The following ASTN2 variants were observed in gnomAD, a reference collection of about 807,000 sequenced individuals.
ASTN2 encodes the protein astrotactin 2, also known as astrotactin-2.
In ASTN2, 54 loss-of-function variants were observed where a neutral mutation model predicts 139.8. The observed-to-expected ratio is 0.39, with a 90% CI of 0.31 to 0.48. ASTN2 has a LOEUF of 0.48. ASTN2 is among the 20% of genes least tolerant of loss of function. The pLI is 0.95. For missense variants in ASTN2, 1,565 were observed against 1,725.1 expected, an observed-to-expected ratio of 0.91 and a Z score of 1.64; for synonymous variants, 756 against 719.5, an observed-to-expected ratio of 1.05 and a Z score of -0.81.
chr9:116,615,866 A>C (rs1309437823), intron 19 of ASTN2, among the ~76,000 whole-genome samples: 1 of 152,114 alleles, frequency 6.6e-6, no homozygotes, highest in Non-Finnish European at 1.5e-5. Flanking sequence ...CTAGAACTTA[A>C]AGTATAATAA....
intron 1 of ASTN2, among the ~76,000 whole-genome samples, chr9:117,377,105 C>T (rs2130922091): frequency 6.6e-6 from 1 of 152,282 alleles, no homozygotes. Context: ...CAGTGGTGGG[C>T]CTCTGCTAGG....
chr9:117,346,645 A>G (rs923791408), intron 1 of ASTN2, among the ~76,000 whole-genome samples: 1 of 152,174 alleles, frequency 6.6e-6, no homozygotes, highest in Non-Finnish European at 1.5e-5. Flanking sequence ...ATGGGGAAAA[A>G]TAACTGTACC....
intron 17 of ASTN2, among the ~76,000 whole-genome samples, chr9:116,632,185 G>GAGAGAGAGAGAGAGA (rs1564168833): frequency 1.0e-4 from 5 of 48,702 alleles, no homozygotes; most frequent in South Asian, 1.1e-3. Flanking sequence ...AGAGAGAGAG[G>GAGAGAGAGAGAGAGA]GAGAGAGAGA....
intron 11 of ASTN2, among the ~76,000 whole-genome samples, chr9:116,847,741 A>G (rs530152208): frequency 3.3e-5 from 5 of 152,336 alleles, no homozygotes; most frequent in African/African-American, 1.2e-4. Context: ...AAGGCAAGTG[A>G]GTGGCACAGC....
intron 2 of ASTN2, among the ~76,000 whole-genome samples, chr9:117,277,522 C>T (rs374742644): frequency 6.6e-6 from 1 of 152,036 alleles, no homozygotes; most frequent in Admixed American, 6.6e-5. Flanking sequence ...TAGATAAATT[C>T]CTCAAAAAAT....
chr9:116,473,242 G>A (rs983694391), intron 20 of ASTN2, among the ~76,000 whole-genome samples: 17 of 152,114 alleles, frequency 1.1e-4, no homozygotes, highest in Admixed American at 3.9e-4. Flanking sequence ...ACCTATTATC[G>A]ATCTTTGATG....
chr9:116,539,560 AG>A (rs1300048379), intron 19 of ASTN2, among the ~76,000 whole-genome samples: 15 of 152,204 alleles, frequency 9.9e-5, no homozygotes, highest in Non-Finnish European at 2.9e-5. Flanking sequence ...AACGATGCAC[AG>A]TAGTCCCCAC....
intron 1 of ASTN2, among the ~76,000 whole-genome samples, chr9:117,400,575 T>C (rs73655693): frequency 0.012 from 1,873 of 152,262 alleles, 41 homozygotes; most frequent in African/African-American, 0.043. Flanking sequence ...AGAGAGAAAG[T>C]AATTGAAGAA....
chr9:116,800,611 A>G (rs1171562842), intron 13 of ASTN2, among the ~76,000 whole-genome samples: 1 of 152,210 alleles, frequency 6.6e-6, no homozygotes, highest in Non-Finnish European at 1.5e-5. Flanking sequence ...GAACAGGGAT[A>G]GAACACATGG....
At chr9:116,844,086 G>A (rs1239202623) in intron 11 of ASTN2, among the ~76,000 whole-genome samples, 1 of 152,070 alleles carries the variant, frequency 6.6e-6, no homozygotes, top group African/African-American at 2.4e-5. Context: ...GTGACTTCAG[G>A]CAAGTCACTG....
At chr9:116,944,878 GC>G (rs1296844079) in intron 10 of ASTN2, among the ~76,000 whole-genome samples, 2 of 151,964 alleles carry the variant, frequency 1.3e-5, no homozygotes, top group Non-Finnish European at 2.9e-5. Flanking sequence ...GATGTGTTTG[GC>G]CTAAAAGAAG....
chr9:117,409,966 G>T (rs10114356), intron 1 of ASTN2, among the ~76,000 whole-genome samples: 152,222 of 152,290 alleles, frequency 1, 76,077 homozygotes, highest in Non-Finnish European at 1. Flanking sequence ...GCATAAAGCA[G>T]CCTTTGGGAT....
At chr9:116,738,258 T>C (rs921828806) in intron 13 of ASTN2, among the ~76,000 whole-genome samples, 3 of 151,816 alleles carry the variant, frequency 2.0e-5, no homozygotes, top group Admixed American at 1.3e-4. Context: ...CCCAGCACTT[T>C]GGGAGGCTGA....
intron 1 of ASTN2, among the ~76,000 whole-genome samples, chr9:117,315,526 C>T (rs577168712): frequency 1.3e-5 from 2 of 152,330 alleles, no homozygotes; most frequent in Non-Finnish European, 2.9e-5. Context: ...CAGGCTGTTT[C>T]CTCATTTATG....
intron 17 of ASTN2, among the ~76,000 whole-genome samples, chr9:116,629,332 T>C (rs1856620503): frequency 6.6e-6 from 1 of 152,116 alleles, no homozygotes; most frequent in African/African-American, 2.4e-5. Context: ...TTAGCCAGGA[T>C]GGTCTTGAGC....
Position 117,170,384 on chromosome 9 carries a change from A to G in ASTN2, c.1016-28906T>C, listed in dbSNP as rs1830763615. On this transcript the variant is annotated intron_variant, in intron 3 of 22. Coordinates refer to ENST00000313400, the MANE Select transcript of ASTN2 (RefSeq NM_001365068.1). Reference sequence around the variant, plus strand: ...CTATTAATTAATGTATTCATCCATTAATATTGATTGAGCACCTGCTAGGTG... The same window carrying G: ...CTATTAATTAATGTATTCATCCATTGATATTGATTGAGCACCTGCTAGGTG... 2.0e-5 allele frequency among the ~76,000 whole-genome samples: 3 copies of G among 152,106 alleles called. No individual in the cohort carries two copies. The East Asian group carries it at 5.8e-4, about 29-fold the overall frequency.
chr9:117,048,375 A>G (rs1838805686), intron 5 of ASTN2, among the ~76,000 whole-genome samples: 1 of 152,168 alleles, frequency 6.6e-6, no homozygotes, highest in Non-Finnish European at 1.5e-5. Context: ...AGAAAATACT[A>G]TGGGCCTGAA....
At chr9:117,074,309 C>T (rs111345358) in intron 5 of ASTN2, among the ~76,000 whole-genome samples, 11 of 152,136 alleles carry the variant, frequency 7.2e-5, no homozygotes, top group Admixed American at 2.0e-4. Flanking sequence ...AAGAAAGGAA[C>T]GAGGGTTTGA....
intron 10 of ASTN2, among the ~76,000 whole-genome samples, chr9:116,946,521 A>G (rs1835399289): frequency 6.6e-6 from 1 of 152,172 alleles, no homozygotes; most frequent in African/African-American, 2.4e-5. Flanking sequence ...CCTTAGCTGT[A>G]CAACTTTCTC....
Sources: gnomAD v4.1 joint callset for allele counts (sites outside exome capture counted in the v4.1 genomes callset) on GRCh38, gnomAD v4.1.1 for gene constraint, MANE v1.5 for transcripts, NCBI Gene and HGNC (gene_info 2026-07-23, HGNC 2026-07-21) for gene names.